The following TRABD2B variants were observed in gnomAD, a reference collection of about 807,000 sequenced individuals.
The protein encoded by TRABD2B is TraB domain containing 2B.
TRABD2B carries 14 observed loss-of-function variants against 40.1 expected under a neutral mutation model. The ratio of observed to expected loss-of-function variants is 0.35; its 90% CI spans 0.23 to 0.55. TRABD2B has a LOEUF of 0.55. Among genes scored for constraint, TRABD2B ranks in the 20% least tolerant of loss-of-function variants. TRABD2B has a pLI of 0.90. For missense variants in TRABD2B, 541 were observed against 648.6 expected, an observed-to-expected ratio of 0.83 and a Z score of 1.80; for synonymous variants, 263 against 277.0, an observed-to-expected ratio of 0.95 and a Z score of 0.50.
intron 4 of TRABD2B, among the ~76,000 whole-genome samples, chr1:47,784,163 C>T (rs528330943): frequency 1.3e-5 from 2 of 152,290 alleles, no homozygotes; most frequent in African/African-American, 2.4e-5. Flanking sequence ...GGACGTGACT[C>T]GCCCAAGGTC....
chr1:47,993,892 G>T, intron 2 of TRABD2B, 142 bp downstream of exon 2: 1 of 826,454 alleles, frequency 1.2e-6, no homozygotes, highest in Non-Finnish European at 1.8e-6. Context: ...GTGCTGCCTC[G>T]CTGCCCAGCA....
intron 2 of TRABD2B, among the ~76,000 whole-genome samples, chr1:47,890,452 T>C (rs1644429455): frequency 6.6e-6 from 1 of 152,188 alleles, no homozygotes; most frequent in South Asian, 2.1e-4. Flanking sequence ...GCTGGCCTCC[T>C]TTCTGTTACC....
At chr1:47,937,162 TCAC>T (rs1197287950) in intron 2 of TRABD2B, among the ~76,000 whole-genome samples, 2 of 149,170 alleles carry the variant, frequency 1.3e-5, no homozygotes, top group African/African-American at 2.5e-5. Context: ...ATCATCACCA[TCAC>T]CACCACCACC....
intron 2 of TRABD2B, among the ~76,000 whole-genome samples, chr1:47,974,767 A>G (rs1557689727): frequency 6.6e-6 from 1 of 152,188 alleles, no homozygotes; most frequent in East Asian, 1.9e-4. Flanking sequence ...TGGAGGGAAA[A>G]AAGGGTACCT....
At chr1:47,920,715 G>C (rs1644890636) in intron 2 of TRABD2B, among the ~76,000 whole-genome samples, 1 of 152,224 alleles carries the variant, frequency 6.6e-6, no homozygotes, top group Non-Finnish European at 1.5e-5. Flanking sequence ...ACTCCCTGCA[G>C]GGCAGAGACC....
intron 2 of TRABD2B, among the ~76,000 whole-genome samples, chr1:47,968,805 C>T (rs1056492571): frequency 4.6e-5 from 7 of 152,166 alleles, no homozygotes; most frequent in Non-Finnish European, 8.8e-5. Flanking sequence ...TTATTATTTG[C>T]TATCTATCTG....
At chr1:47,815,235 C>G (rs1283273596) in intron 2 of TRABD2B, among the ~76,000 whole-genome samples, 4 of 152,226 alleles carry the variant, frequency 2.6e-5, no homozygotes, top group South Asian at 2.1e-4. Context: ...AGAAGTCAGA[C>G]ACATTCTGGA....
intron 2 of TRABD2B, among the ~76,000 whole-genome samples, chr1:47,870,937 A>G (rs1438529719): frequency 6.6e-6 from 1 of 152,172 alleles, no homozygotes; most frequent in Non-Finnish European, 1.5e-5. Context: ...GAGGCACTGA[A>G]TTTTATAAAG....
chr1:47,948,989 T>C (rs762720154), intron 2 of TRABD2B, among the ~76,000 whole-genome samples: 13 of 152,130 alleles, frequency 8.5e-5, no homozygotes, highest in Non-Finnish European at 1.8e-4. Flanking sequence ...ACATTAACCA[T>C]ATTTTATAAA....
chr1:47,832,867 C>G (rs1266430829), intron 2 of TRABD2B, among the ~76,000 whole-genome samples: 1 of 152,064 alleles, frequency 6.6e-6, no homozygotes, highest in East Asian at 1.9e-4. Flanking sequence ...GGGAAGGCAC[C>G]TAACTCTGCT....
chr1:47,972,981 A>T (rs568300233), intron 2 of TRABD2B, among the ~76,000 whole-genome samples: 8 of 152,288 alleles, frequency 5.3e-5, no homozygotes, highest in Middle Eastern at 3.4e-3. Flanking sequence ...GCCCCCACAC[A>T]CTTCATTCAC....
At chr1:47,890,640 C>T (rs1644432003) in intron 2 of TRABD2B, among the ~76,000 whole-genome samples, 1 of 152,186 alleles carries the variant, frequency 6.6e-6, no homozygotes, top group African/African-American at 2.4e-5. Flanking sequence ...CCTGATGCTG[C>T]AGGCCTCTCA....
Position 47,765,756 on chromosome 1 carries a change from C to G in TRABD2B, c.*146G>C. 3 of 673,878 alleles carry G rather than the reference C, an allele frequency of 4.5e-6. No individual in the cohort carries two copies. The highest frequency in any genetic ancestry group is 1.6e-5 in the South Asian group (1 of 62,234). The allele number at this position is 673,878 out of a possible 1,614,324, so 41.7% of individuals were successfully genotyped here. On this transcript the variant is annotated 3_prime_UTR_variant, in exon 7 of 7. Transcript: ENST00000606738. Reference sequence around the variant, plus strand: ...CAAAAAAGAAGATGTAACTTGGGTACAGTAAAGCTCTAGAGTGTCTAGCCA... The same window carrying G: ...CAAAAAAGAAGATGTAACTTGGGTAGAGTAAAGCTCTAGAGTGTCTAGCCA...
intron 2 of TRABD2B, among the ~76,000 whole-genome samples, chr1:47,889,677 A>T (rs1000530161): frequency 8.5e-5 from 13 of 152,164 alleles, no homozygotes; most frequent in Admixed American, 2.0e-4. Context: ...CAGTGGAAGG[A>T]TTACTCTCCA....
At chr1:47,990,791 A>T (rs1645995590) in intron 2 of TRABD2B, among the ~76,000 whole-genome samples, 1 of 37,354 alleles carries the variant, frequency 2.7e-5, no homozygotes, top group African/African-American at 1.3e-4. Flanking sequence ...ATATATATAT[A>T]TATATATATA....
intron 4 of TRABD2B, among the ~76,000 whole-genome samples, chr1:47,793,898 A>G (rs1018654301): frequency 3.3e-5 from 5 of 152,196 alleles, no homozygotes; most frequent in Non-Finnish European, 5.9e-5. Context: ...TGAGGAGGCC[A>G]GGTCCCCCAG....
intron 2 of TRABD2B, among the ~76,000 whole-genome samples, chr1:47,954,331 T>C (rs1210034386): frequency 6.6e-6 from 1 of 152,098 alleles, no homozygotes; most frequent in Admixed American, 6.5e-5. Flanking sequence ...TCCCTCCCTT[T>C]CCCTGGAAAC....
intron 4 of TRABD2B, among the ~76,000 whole-genome samples, chr1:47,787,921 G>C (rs1644618986): frequency 6.6e-6 from 1 of 152,170 alleles, no homozygotes; most frequent in African/African-American, 2.4e-5. Context: ...AGGGAAATCA[G>C]GGAAGGCCCA....
chr1:47,867,245 T>C (rs561699749), intron 2 of TRABD2B, among the ~76,000 whole-genome samples: 13 of 152,294 alleles, frequency 8.5e-5, no homozygotes, highest in South Asian at 2.1e-4. Flanking sequence ...TCCATATCTA[T>C]ATCTTTTTCT....
Sources: gnomAD v4.1 joint callset for allele counts (sites outside exome capture counted in the v4.1 genomes callset) on GRCh38, gnomAD v4.1.1 for gene constraint, MANE v1.5 for transcripts, NCBI Gene and HGNC (gene_info 2026-07-23, HGNC 2026-07-21) for gene names.